CACNA1C: variants seen among roughly 807,000 people sequenced by gnomAD.
CACNA1C encodes calcium voltage-gated channel subunit alpha1 C, also known as voltage-dependent L-type calcium channel subunit alpha-1C.
A neutral mutation model predicts 229.0 loss-of-function variants in CACNA1C; 30 were observed. That is an observed-to-expected ratio of 0.13 (90% CI 0.10 to 0.18). The LOEUF is 0.18. CACNA1C is among the 10% of genes least tolerant of loss of function. The probability of loss-of-function intolerance (pLI) is 1.00; values close to 1 mark genes in which losing one functional copy is unlikely to be tolerated. For synonymous variants in CACNA1C, 1,114 were observed against 1,132.5 expected (o/e 0.98, Z 0.33); for missense variants, 1,658 against 2,845.0 (o/e 0.58, Z 9.49).
At position 2,158,840 on chromosome 12, in the gene CACNA1C, T is replaced by C. The variant is rs76581655; in HGVS notation, c.477+38410T>C. On this transcript the variant is annotated intron_variant, in intron 3 of 46. Coordinates refer to ENST00000399655, the MANE Select transcript of CACNA1C (RefSeq NM_000719.7). ...AGGAGGGAGTAAACCAAGGGAAACA[T>C]AGGATCCCGGAAATGGGGGCCAACA... 2.7e-3 allele frequency among the ~76,000 whole-genome samples: 414 copies of C among 152,248 alleles called. 1 individual carries two copies. Among genetic ancestry groups the C allele is most frequent in the African/African-American group, 9.3e-3 (388 of 41,556 alleles).
chr12:2,542,983 A>T (rs1338335796), intron 9 of CACNA1C, among the ~76,000 whole-genome samples: 1 of 152,238 alleles, frequency 6.6e-6, no homozygotes, highest in East Asian at 1.9e-4. Context: ...GTTCCAGAAT[A>T]CAGACTGGTC....
intron 3 of CACNA1C, among the ~76,000 whole-genome samples, chr12:2,159,978 AT>A (rs1441910181): frequency 6.6e-6 from 1 of 152,196 alleles, no homozygotes; most frequent in Admixed American, 6.5e-5. Context: ...TGTTTTGAGT[AT>A]CTGTTATGTG....
Position 2,686,219 on chromosome 12 carries a change from G to A in CACNA1C, c.5734G>A (p.Gly1912Arg), listed in dbSNP as rs1346788666. 1 of 1,613,664 alleles carries A rather than the reference G, an allele frequency of 6.2e-7. No individual in the cohort carries two copies. Among genetic ancestry groups the A allele is most frequent in the East Asian group, 2.2e-5 (1 of 44,886 alleles). ...TCTGAAGCGACAGAAGGACCGAGGG[G>A]GAGACATCTCTCAGAAGACAGTCCT... ...ECLKRQKDRG[G>R]DISQKTVLPL... Residue 1912 changes from glycine to arginine, a missense_variant, in exon 45 of 47, where the codon GGA (glycine) becomes AGA (arginine). Transcript: ENST00000399655.
chr12:2,204,630 C>T (rs1436215830), intron 3 of CACNA1C, among the ~76,000 whole-genome samples: 13 of 151,114 alleles, frequency 8.6e-5, no homozygotes, highest in African/African-American at 2.7e-4. Flanking sequence ...ATGATGAGTT[C>T]GTGTCCTTTG....
chr12:2,170,283 G>T (rs190736101), intron 3 of CACNA1C, among the ~76,000 whole-genome samples: 231 of 152,250 alleles, frequency 1.5e-3, no homozygotes, highest in Non-Finnish European at 2.5e-3. Flanking sequence ...CATGATCAGG[G>T]TTATGAAAAA....
intron 1 of CACNA1C, among the ~76,000 whole-genome samples, chr12:1,977,338 C>T (rs149769791): frequency 5.5e-3 from 839 of 152,240 alleles, no homozygotes; most frequent in Non-Finnish European, 9.0e-3. Flanking sequence ...TGTCATTCTC[C>T]GTCTCTACCA....
At chr12:2,182,873 C>A (rs113363945) in intron 3 of CACNA1C, among the ~76,000 whole-genome samples, 1 of 152,142 alleles carries the variant, frequency 6.6e-6, no homozygotes, top group Non-Finnish European at 1.5e-5. Flanking sequence ...TTAGATGGTG[C>A]TGTCCTCGGA....
intron 3 of CACNA1C, among the ~76,000 whole-genome samples, chr12:2,395,699 T>A (rs1378432982): frequency 6.6e-6 from 1 of 152,146 alleles, no homozygotes; most frequent in South Asian, 2.1e-4. Context: ...CTTTTTCCAG[T>A]CTGAGGCTTC....
chr12:2,140,967 C>G (rs1260672312), intron 3 of CACNA1C, among the ~76,000 whole-genome samples: 1 of 151,084 alleles, frequency 6.6e-6, no homozygotes, highest in Admixed American at 6.7e-5. Context: ...AGGGTAAGGG[C>G]CCACCTGGAG....
intron 3 of CACNA1C, among the ~76,000 whole-genome samples, chr12:2,366,555 A>G (rs942812589): frequency 5.8e-4 from 89 of 152,226 alleles, no homozygotes; most frequent in African/African-American, 2.0e-3. Context: ...TGAACTTTGT[A>G]AATTATAGAA....
rs2097850013 is a variant in CACNA1C, at chr12:2,697,413, C to T, written c.*6214C>T. 6.6e-6 allele frequency: 1 copy of T among 152,292 alleles called. No individual in the cohort carries two copies. The highest frequency in any genetic ancestry group is 2.1e-4 in the South Asian group (1 of 4,816). 9.4% of individuals were successfully genotyped at this position (152,292 alleles called of 1,614,324 possible). A position where few individuals can be genotyped will look rare whatever the true frequency, so the allele number is the denominator to read the frequency against. On this transcript the variant is annotated 3_prime_UTR_variant, in exon 47 of 47. Transcript: ENST00000399655. The stretch of plus-strand genomic sequence containing the variant: ...CCCCGTTGGTGAAGCACTGAAAGGT[C>T]TATTACTCTCATAATATTGCTGTTT...
In CACNA1C at chr12:2,236,381, G is replaced by A. The variant is rs545681630; in HGVS notation, c.477+115951G>A. 4.6e-5 allele frequency among the ~76,000 whole-genome samples: 7 copies of A among 152,296 alleles called. No individual in the cohort carries two copies. The South Asian group carries it at 1.0e-3, about 23-fold the overall frequency. On this transcript the variant is annotated intron_variant, in intron 3 of 46. Coordinates refer to ENST00000399655, the MANE Select transcript of CACNA1C (RefSeq NM_000719.7). ...TGTGTACTAATTTCACTGTCAGATT[G>A]GAGTTAACTGCATTTGGATAGGGAG...
rs894408249 is a variant in CACNA1C at position 2,695,561 on chromosome 12, G to A, written c.*4362G>A. ...AGAGGCTACGATTTGAGGAGGTTGA[G>A]GGGGAAGACAGGAGGGAAAGAAAAG... On this transcript the variant is annotated 3_prime_UTR_variant, in exon 47 of 47. Transcript: ENST00000399655. 1 of 152,330 alleles carries A rather than the reference G, an allele frequency of 6.6e-6. No individual in the cohort carries two copies. The highest frequency in any genetic ancestry group is 1.5e-5 in the Non-Finnish European group (1 of 68,144). The allele number at this position is 152,330 out of a possible 1,614,324, so 9.4% of individuals were successfully genotyped here.
At chr12:2,089,058 T>C (rs1250840888) in intron 1 of CACNA1C, among the ~76,000 whole-genome samples, 1 of 152,178 alleles carries the variant, frequency 6.6e-6, no homozygotes, top group Non-Finnish European at 1.5e-5. Flanking sequence ...CTTGAAGTGG[T>C]CCCTTGCTCC....
intron 1 of CACNA1C, chr12:1,992,708 T>C (rs1442312203): frequency 6.0e-6 from 1 of 165,668 alleles, no homozygotes; most frequent in Non-Finnish European, 1.3e-5. Context: ...ACAAGGACTA[T>C]TTAGTTACCT....
Position 2,215,099 on chromosome 12 carries a change from T to C in CACNA1C, c.477+94669T>C, listed in dbSNP as rs1043635195. 1.3e-5 allele frequency among the ~76,000 whole-genome samples: 2 copies of C among 152,116 alleles called. No homozygotes were observed. Among genetic ancestry groups the C allele is most frequent in the East Asian group, 3.9e-4 (2 of 5,186 alleles). On this transcript the variant is annotated intron_variant, in intron 3 of 46. Transcript: ENST00000399655. The surrounding 1 kb of genome is among the most constrained non-coding windows in gnomAD (Gnocchi z 5.0). Reference sequence around the variant, plus strand: ...TGTGTCGGAGGGCTCAGCAAACGTGTGCTGCATGAGATGGGGAAACGAAGC... The same window carrying C: ...TGTGTCGGAGGGCTCAGCAAACGTGCGCTGCATGAGATGGGGAAACGAAGC...
At chr12:2,642,645 C>T (rs1473901337) in intron 30 of CACNA1C, among the ~76,000 whole-genome samples, 1 of 152,238 alleles carries the variant, frequency 6.6e-6, no homozygotes, top group Non-Finnish European at 1.5e-5. Flanking sequence ...CTCTGCCCCG[C>T]CCTGCCTCAC....
At chr12:2,161,463 G>A (rs527757891) in intron 3 of CACNA1C, among the ~76,000 whole-genome samples, 2 of 152,176 alleles carry the variant, frequency 1.3e-5, no homozygotes, top group Admixed American at 1.3e-4. Flanking sequence ...TGGAGGTGCC[G>A]GTGTGGCTGT....
At chr12:2,448,565 C>T (rs1250866307) in intron 3 of CACNA1C, among the ~76,000 whole-genome samples, 21 of 152,164 alleles carry the variant, frequency 1.4e-4, no homozygotes. Context: ...AGAATCGGAG[C>T]GCGGTTTTCC....
Sources: gnomAD v4.1 joint callset for allele counts (sites outside exome capture counted in the v4.1 genomes callset) on GRCh38, gnomAD v4.1.1 for gene constraint, Gnocchi (gnomAD v3.1) non-coding constraint, MANE v1.5 for transcripts, NCBI Gene and HGNC (gene_info 2026-07-23, HGNC 2026-07-21) for gene names.